Variants in MYT1L observed in about 807,000 individuals in gnomAD.
MYT1L encodes the protein myelin transcription factor 1 like, also known as myelin transcription factor 1-like protein.
In MYT1L, 12 loss-of-function variants were observed where a neutral mutation model predicts 126.7. The observed-to-expected ratio is 0.09, with a 90% CI of 0.06 to 0.15. The LOEUF (loss-of-function observed/expected upper bound fraction) is 0.15, where lower values mean the gene tolerates loss of function less well. MYT1L is among the 10% of genes least tolerant of loss of function. The pLI is 1.00. For synonymous variants in MYT1L, 541 were observed against 604.2 expected, an observed-to-expected ratio of 0.90 and a Z score of 1.53; for missense variants, 979 against 1,585.2, an observed-to-expected ratio of 0.62 and a Z score of 6.49.
At chr2:1,849,741 T>A (rs1309183320) in intron 19 of MYT1L, among the ~76,000 whole-genome samples, 1 of 152,246 alleles carries the variant, frequency 6.6e-6, no homozygotes, top group East Asian at 1.9e-4. Flanking sequence ...CTCCCACAAG[T>A]TGCATGCTTC....
At chr2:1,924,947 C>T (rs2149123479) in intron 9 of MYT1L, among the ~76,000 whole-genome samples, 1 of 152,210 alleles carries the variant, frequency 6.6e-6, no homozygotes, top group South Asian at 2.1e-4. Flanking sequence ...AAATATTCTC[C>T]TCTCAATTTA....
intron 3 of MYT1L, among the ~76,000 whole-genome samples, chr2:2,133,313 T>G (rs1559105909): frequency 6.6e-6 from 1 of 152,226 alleles, no homozygotes; most frequent in East Asian, 1.9e-4. Context: ...ATTTGCAAAT[T>G]AGGGACACAC....
chr2:2,260,395 T>C (rs1052647573), intron 2 of MYT1L, among the ~76,000 whole-genome samples: 2 of 152,224 alleles, frequency 1.3e-5, no homozygotes, highest in African/African-American at 4.8e-5. Context: ...GAATTTTTAC[T>C]GTATCTCAAG....
chr2:1,853,020 C>T (rs999464801), intron 18 of MYT1L, among the ~76,000 whole-genome samples: 16 of 152,004 alleles, frequency 1.1e-4, no homozygotes, highest in African/African-American at 3.1e-4. Context: ...TGACATTGGC[C>T]GAATTTTAAG....
chr2:1,850,151 T>G (rs2043041282), intron 19 of MYT1L, among the ~76,000 whole-genome samples: 1 of 122,974 alleles, frequency 8.1e-6, no homozygotes, highest in Non-Finnish European at 1.7e-5. Flanking sequence ...TTCCCTTTCC[T>G]TCCCCTTCCC....
chr2:2,018,870 T>C (rs2064726598), intron 4 of MYT1L, among the ~76,000 whole-genome samples: 1 of 152,116 alleles, frequency 6.6e-6, no homozygotes, highest in Admixed American at 6.5e-5. Context: ...GAACGCCTCC[T>C]AAGGAGGGCT....
intron 1 of MYT1L, among the ~76,000 whole-genome samples, chr2:2,293,089 C>CGAGGGT (rs2095622935): frequency 1.3e-5 from 2 of 152,112 alleles, no homozygotes; most frequent in Admixed American, 6.5e-5. Context: ...AGACAGCCAC[C>CGAGGGT]CTGGAGGCAT....
intron 21 of MYT1L, among the ~76,000 whole-genome samples, chr2:1,818,631 C>T (rs1436110549): frequency 1.3e-5 from 2 of 152,074 alleles, no homozygotes; most frequent in Non-Finnish European, 2.9e-5. Context: ...GCATTTGCCC[C>T]GGTCGCCACG....
intron 8 of MYT1L, among the ~76,000 whole-genome samples, chr2:1,948,923 A>G (rs1262539999): frequency 1.3e-5 from 2 of 151,838 alleles, no homozygotes; most frequent in African/African-American, 4.8e-5. Context: ...ATAAATCTAA[A>G]AAGATATTTT....
At chr2:1,860,586 C>T (rs1334342466) in intron 18 of MYT1L, among the ~76,000 whole-genome samples, 16 of 152,220 alleles carry the variant, frequency 1.1e-4, no homozygotes, top group Non-Finnish European at 4.4e-5. Context: ...GTAGTAAAAA[C>T]ATGTTTTAAA....
At chr2:1,820,832 C>A (rs2038414205) in intron 21 of MYT1L, among the ~76,000 whole-genome samples, 3 of 152,162 alleles carry the variant, frequency 2.0e-5, no homozygotes, top group African/African-American at 7.2e-5. Flanking sequence ...CAGGTGTGAG[C>A]CACCACACTT....
At chr2:1,826,515 G>T (rs954788162) in intron 21 of MYT1L, among the ~76,000 whole-genome samples, 1 of 152,188 alleles carries the variant, frequency 6.6e-6, no homozygotes, top group Non-Finnish European at 1.5e-5. Flanking sequence ...TCTCCCTGCT[G>T]CTATTCACAG....
intron 21 of MYT1L, among the ~76,000 whole-genome samples, chr2:1,837,902 G>GTCT (rs2041125559): frequency 8.0e-6 from 1 of 124,534 alleles, no homozygotes; most frequent in Non-Finnish European, 1.7e-5. Context: ...TTTTTTTTTT[G>GTCT]TCTTTTGTTT....
At chr2:2,079,680 GCCTGTAGT>G (rs1383150871) in intron 3 of MYT1L, among the ~76,000 whole-genome samples, 1 of 152,036 alleles carries the variant, frequency 6.6e-6, no homozygotes, top group Non-Finnish European at 1.5e-5. Context: ...GGTGGTGGGC[GCCTGTAGT>G]CCCAGCTACT....
chr2:1,789,611 C>T lies in MYT1L; in HGVS notation c.*2256G>A, dbSNP rs1469777835. The T allele has an allele frequency of 6.6e-6, 1 of 152,182 alleles. No homozygotes were observed. The highest frequency in any genetic ancestry group is 1.5e-5 in the Non-Finnish European group (1 of 68,048). 9.4% of individuals were successfully genotyped at this position (152,182 alleles called of 1,614,324 possible). On this transcript the variant is annotated 3_prime_UTR_variant, in exon 25 of 25. Transcript: ENST00000647738. Reference sequence around the variant, plus strand: ...AATAAGAATCCAAAACTGATACTATCTAGTACTCTACTAAAAGCATTACTA... The same window carrying T: ...AATAAGAATCCAAAACTGATACTATTTAGTACTCTACTAAAAGCATTACTA...
chr2:2,181,537 CTA>C lies in MYT1L; in HGVS notation c.-420-8551_-420-8550del, dbSNP rs139684679. Among the ~76,000 whole-genome samples, 839 of 152,270 alleles carry C rather than the reference CTA, an allele frequency of 5.5e-3. 9 individuals carry two copies. Among genetic ancestry groups the C allele is most frequent in the African/African-American group, 0.019 (803 of 41,548 alleles). On this transcript the variant is annotated intron_variant, in intron 2 of 24. Transcript: ENST00000647738. ...GGATGCAGAGTGTGATTTAAATGTG[CTA>C]TGAGTTTAACTTAAAGCACAGCCAC...
At chr2:1,802,028 C>T in intron 22 of MYT1L, 1 of 442,732 alleles carries the variant, frequency 2.3e-6, no homozygotes, top group Non-Finnish European at 4.0e-6. Context: ...AATTGAGACG[C>T]ACAGAAGACT....
At chr2:1,797,387 C>CT (rs1553384841) in intron 23 of MYT1L, among the ~76,000 whole-genome samples, 2 of 152,306 alleles carry the variant, frequency 1.3e-5, no homozygotes, top group South Asian at 2.1e-4. Context: ...CCACGCTAGG[C>CT]TTTTTTGTAT....
intron 8 of MYT1L, among the ~76,000 whole-genome samples, chr2:1,966,975 G>A (rs1214000077): frequency 6.6e-6 from 1 of 152,036 alleles, no homozygotes; most frequent in African/African-American, 2.4e-5. Context: ...TGTTGATACT[G>A]GGAAGCAACG....
Sources: allele counts gnomAD v4.1 joint callset (sites outside exome capture counted in the v4.1 genomes callset), GRCh38; gene constraint gnomAD v4.1.1; transcripts MANE v1.5; gene names NCBI Gene and HGNC (gene_info 2026-07-23, HGNC 2026-07-21).